The following OR6N1 variants were observed in gnomAD, a reference collection of about 807,000 sequenced individuals.
The protein encoded by OR6N1 is olfactory receptor 6N1.
For synonymous variants in OR6N1, 170 were observed against 150.7 expected (o/e 1.13, Z -0.94); for missense variants, 394 against 371.7 (o/e 1.06, Z -0.49).
At chr1:158,782,273 C>T in the OR6N1 span, among the ~76,000 whole-genome samples, 3 of 152,046 alleles carry the variant, frequency 2.0e-5, no homozygotes, top group African/African-American at 7.2e-5. Flanking sequence ...TTTACATTTC[C>T]CATTTCATGT....
the OR6N1 span, among the ~76,000 whole-genome samples, chr1:158,782,462 C>G: frequency 2.6e-5 from 4 of 152,168 alleles, no homozygotes; most frequent in South Asian, 2.1e-4. Context: ...TACCCATAAT[C>G]TAACAAAATT....
the OR6N1 span, among the ~76,000 whole-genome samples, chr1:158,785,333 A>G: frequency 4.6e-5 from 7 of 152,104 alleles, no homozygotes; most frequent in African/African-American, 1.7e-4. Flanking sequence ...CTTCTTATGT[A>G]TTAAACTATT....
the OR6N1 span, among the ~76,000 whole-genome samples, chr1:158,801,984 C>T: frequency 4.6e-5 from 7 of 152,178 alleles, no homozygotes; most frequent in Admixed American, 6.5e-5. Flanking sequence ...AAATGCTGAC[C>T]TCCCAGGGGC....
At chr1:158,791,573 G>A in the OR6N1 span, among the ~76,000 whole-genome samples, 8 of 151,288 alleles carry the variant, frequency 5.3e-5, no homozygotes, top group South Asian at 4.2e-4. Context: ...GGGTTCAAGC[G>A]ATTCTCTTGC....
chr1:158,818,719 C>T, the OR6N1 span, among the ~76,000 whole-genome samples: 3 of 152,152 alleles, frequency 2.0e-5, no homozygotes, highest in Non-Finnish European at 4.4e-5. Flanking sequence ...TTAAACATTT[C>T]CTTATCAGTT....
At chr1:158,766,869 C>G (rs1245005342) in intron 1 of OR6N1, among the ~76,000 whole-genome samples, 169 bp from the exon 2 acceptor site, 1 of 152,180 alleles carries the variant, frequency 6.6e-6, no homozygotes, top group Non-Finnish European at 1.5e-5. Context: ...CCTGCCCTTC[C>G]TGTCAACAGC....
At chr1:158,836,048 T>G in the OR6N1 span, among the ~76,000 whole-genome samples, 1 of 152,006 alleles carries the variant, frequency 6.6e-6, no homozygotes, top group South Asian at 2.1e-4. Flanking sequence ...TGTTGCATGG[T>G]GAGCCATCAT....
upstream of OR6N1, chr1:158,776,976 C>T (rs1657615436): frequency 6.2e-7 from 1 of 1,614,022 alleles, no homozygotes; most frequent in Non-Finnish European, 8.5e-7. Flanking sequence ...CCCCAATGAT[C>T]CTTGCATAAG....
At chr1:158,811,434 T>C in the OR6N1 span, among the ~76,000 whole-genome samples, 1 of 152,240 alleles carries the variant, frequency 6.6e-6, no homozygotes, top group Admixed American at 6.5e-5. Flanking sequence ...CACCATATCA[T>C]TATTTTATGT....
At chr1:158,793,277 A>G in the OR6N1 span, among the ~76,000 whole-genome samples, 1 of 152,168 alleles carries the variant, frequency 6.6e-6, no homozygotes, top group East Asian at 1.9e-4. Context: ...TGGTATTTCA[A>G]AGATTTCATC....
At chr1:158,794,859 C>G in the OR6N1 span, among the ~76,000 whole-genome samples, 2 of 152,184 alleles carry the variant, frequency 1.3e-5, no homozygotes, top group African/African-American at 4.8e-5. Context: ...CGTAAAAGAA[C>G]ATCAGCTGCA....
the OR6N1 span, among the ~76,000 whole-genome samples, chr1:158,801,877 A>AT: frequency 6.6e-6 from 1 of 152,010 alleles, no homozygotes; most frequent in Non-Finnish European, 1.5e-5. Context: ...ACCCCTGCCC[A>AT]TTACCTGATG....
chr1:158,767,312 A>C lies in OR6N1; in HGVS notation c.-18-612T>G, dbSNP rs2102007701. Among the ~76,000 whole-genome samples, 6 of 152,222 alleles carry C rather than the reference A, an allele frequency of 3.9e-5. 1 individual carries two copies. In the South Asian group the frequency reaches 1.2e-3, roughly 32 times the overall value. The stretch of plus-strand genomic sequence containing the variant: ...GACACTGGTGAGAGCTCCAGTCAAA[A>C]ATAAGAAGGTTAGAGTAAATAAAAA... On this transcript the variant is annotated intron_variant, in intron 1 of 1. Coordinates refer to ENST00000641846, the MANE Select transcript of OR6N1 (RefSeq NM_001005185.2).
the OR6N1 span, among the ~76,000 whole-genome samples, chr1:158,779,024 A>AAAAAAAAAAAAAAAAAAAG: frequency 5.6e-4 from 85 of 151,282 alleles, 1 homozygote; most frequent in African/African-American, 2.0e-3. Context: ...GTCTCAAAAA[A>AAAAAAAAAAAAAAAAAAAG]AAAAAAAAGA....
chr1:158,792,056 C>T, the OR6N1 span, among the ~76,000 whole-genome samples: 1 of 152,092 alleles, frequency 6.6e-6, no homozygotes, highest in African/African-American at 2.4e-5. Context: ...GTAGTAATTG[C>T]TTTATAAATC....
chr1:158,794,520 G>A, the OR6N1 span, among the ~76,000 whole-genome samples: 65 of 152,124 alleles, frequency 4.3e-4, no homozygotes, highest in Non-Finnish European at 7.9e-4. Flanking sequence ...GCCAGGGAGC[G>A]TCTGCAAGGG....
intron 1 of OR6N1, among the ~76,000 whole-genome samples, chr1:158,768,034 G>T (rs999883438): frequency 6.6e-6 from 1 of 151,904 alleles, no homozygotes. Flanking sequence ...GATTCTCGGG[G>T]TACTATACTT....
chr1:158,784,387 CCTT>C, the OR6N1 span, among the ~76,000 whole-genome samples: 1 of 152,054 alleles, frequency 6.6e-6, no homozygotes, highest in African/African-American at 2.4e-5. Context: ...TTTAGCCTAT[CCTT>C]CTCCTCATAT....
upstream of OR6N1, chr1:158,776,328 G>T (rs142413125): frequency 1.4e-4 from 23 of 169,006 alleles, no homozygotes; most frequent in East Asian, 3.8e-3. Context: ...ATTGGAATGG[G>T]TTGAGAAGTG....
Sources: gnomAD v4.1 joint callset for allele counts (sites outside exome capture counted in the v4.1 genomes callset) on GRCh38, gnomAD v4.1.1 for gene constraint, MANE v1.5 for transcripts, NCBI Gene and HGNC (gene_info 2026-07-23, HGNC 2026-07-21) for gene names.